Variants in NFATC2 observed in about 807,000 individuals in gnomAD.
NFATC2 encodes the protein nuclear factor of activated T-cells, cytoplasmic 2.
Under a neutral mutation model 87.3 loss-of-function variants are expected in NFATC2, and 22 were observed. That is an observed-to-expected ratio of 0.25 (90% CI 0.18 to 0.36). The LOEUF (loss-of-function observed/expected upper bound fraction) is 0.36, where lower values mean the gene tolerates loss of function less well. NFATC2 is among the 10% of genes least tolerant of loss of function. The pLI, the probability that NFATC2 is intolerant of heterozygous loss-of-function variation, is 1.00. For synonymous variants in NFATC2, 565 were observed against 542.2 expected, an observed-to-expected ratio of 1.04 and a Z score of -0.58; for missense variants, 1,149 against 1,259.1, an observed-to-expected ratio of 0.91 and a Z score of 1.32.
intron 3 of NFATC2, among the ~76,000 whole-genome samples, chr20:51,507,119 G>C (rs1216435138): frequency 1.3e-5 from 2 of 152,252 alleles, no homozygotes; most frequent in Non-Finnish European, 1.5e-5. Context: ...GCTGCCAGCA[G>C]GTGGATGAAT....
intron 9 of NFATC2, among the ~76,000 whole-genome samples, chr20:51,405,350 C>T (rs1045976849): frequency 6.6e-6 from 1 of 152,192 alleles, no homozygotes; most frequent in Non-Finnish European, 1.5e-5. Flanking sequence ...GGAGACACCA[C>T]TCAGGAAGAT....
intron 4 of NFATC2, among the ~76,000 whole-genome samples, chr20:51,474,608 G>GGA (rs1350722025): frequency 5.3e-5 from 8 of 152,192 alleles, no homozygotes; most frequent in Non-Finnish European, 1.0e-4. Context: ...AGGAAAAAAC[G>GGA]GAGAGGTGGG....
chr20:51,518,408 G>A (rs543094764), intron 2 of NFATC2, among the ~76,000 whole-genome samples: 1 of 152,246 alleles, frequency 6.6e-6, no homozygotes, highest in Admixed American at 6.5e-5. Flanking sequence ...AGCCCAGGGG[G>A]TAGCACCTCC....
chr20:51,547,527 C>T (rs2076899073), upstream of NFATC2, among the ~76,000 whole-genome samples: 2 of 152,166 alleles, frequency 1.3e-5, no homozygotes, highest in South Asian at 2.1e-4. Context: ...TTCCTTTCCA[C>T]CTTCTGGTAG....
rs75858005 is a variant in NFATC2 at position 51,401,613 on chromosome 20, T to C, written c.2723-2883A>G. Among the ~76,000 whole-genome samples the C allele has an allele frequency of 1.1e-3, 173 of 152,104 alleles. 1 individual carries two copies. Among genetic ancestry groups the C allele is most frequent in the African/African-American group, 4.0e-3 (167 of 41,410 alleles). On this transcript the variant is annotated intron_variant, in intron 9 of 10. Coordinates refer to ENST00000371564, the MANE Select transcript of NFATC2 (RefSeq NM_012340.5). ...TTAGACTTACTACATGGTCCCTAAG[T>C]GTCATCTACAAATCCTCCCAAAGAC...
rs1555803765 is a variant in NFATC2 at position 51,480,289 on chromosome 20, A to AAAAAAAAAAAT, written c.1333-4630_1333-4629insATTTTTTTTTT. On this transcript the variant is annotated intron_variant, in intron 3 of 10. Coordinates refer to ENST00000371564, the MANE Select transcript of NFATC2 (RefSeq NM_012340.5). This position sits in a 1 kb window ranked among gnomAD's most constrained non-coding sequence, Gnocchi z 4.2. ...GGTCACAAAGCAAGACTCTGTCTCA[A>AAAAAAAAAAAT]AAAAAATAGAATGTGCTTCCTGCCG... 6.6e-6 allele frequency among the ~76,000 whole-genome samples: 1 copy of AAAAAAAAAAAT among 151,578 alleles called. No homozygotes were observed. Among genetic ancestry groups the AAAAAAAAAAAT allele is most frequent in the Non-Finnish European group, 1.5e-5 (1 of 67,930 alleles).
At chr20:51,498,528 T>C (rs2076027064) in intron 3 of NFATC2, among the ~76,000 whole-genome samples, 1 of 152,158 alleles carries the variant, frequency 6.6e-6, no homozygotes. Flanking sequence ...CCAGGCATGG[T>C]GGCTCACGCC....
At position 51,495,377 on chromosome 20, in the gene NFATC2, C is replaced by G. The variant is rs748363298; in HGVS notation, c.1333-19717G>C. ...TGCTGGGATTATAGACATGAGCCAG[C>G]ACACATGGCTGGAAAGCCTCCTTTC... On this transcript the variant is annotated intron_variant, in intron 3 of 10. Coordinates refer to ENST00000371564, the MANE Select transcript of NFATC2 (RefSeq NM_012340.5). Among the ~76,000 whole-genome samples the G allele has an allele frequency of 6.6e-4, 100 of 152,238 alleles. 1 individual carries two copies. Among genetic ancestry groups the G allele is most frequent in the Non-Finnish European group, 2.6e-4 (18 of 68,048 alleles).
At chr20:51,505,791 A>G (rs891858546) in intron 3 of NFATC2, among the ~76,000 whole-genome samples, 2 of 152,180 alleles carry the variant, frequency 1.3e-5, no homozygotes, top group Non-Finnish European at 2.9e-5. Flanking sequence ...CACAGAACAC[A>G]TAAGAAATGG....
At chr20:51,554,801 A>G (rs17801923) in intron 1 of NFATC2, among the ~76,000 whole-genome samples, 13,976 of 152,262 alleles carry the variant, frequency 0.092, 783 homozygotes, top group Non-Finnish European at 0.13. Context: ...TGGATTTGCC[A>G]AGGGACATTT....
chr20:51,421,089 CAAAA>C, intron 9 of NFATC2, among the ~76,000 whole-genome samples: 1 of 139,332 alleles, frequency 7.2e-6, no homozygotes, highest in East Asian at 2.1e-4. Flanking sequence ...AAAAAAAAAA[CAAAA>C]AAAACTAATA....
At chr20:51,408,965 C>T (rs1268915848) in intron 9 of NFATC2, among the ~76,000 whole-genome samples, 1 of 152,082 alleles carries the variant, frequency 6.6e-6, no homozygotes, top group African/African-American at 2.4e-5. Flanking sequence ...TAAACTACAC[C>T]CAGAAAACTC....
intron 2 of NFATC2, among the ~76,000 whole-genome samples, chr20:51,519,439 C>A (rs2076405616): frequency 6.7e-6 from 1 of 148,822 alleles, no homozygotes; most frequent in Non-Finnish European, 1.5e-5. Context: ...ATGGTGAAAC[C>A]CTGCCTCTAC....
chr20:51,438,215 C>T (rs183575625), intron 6 of NFATC2, among the ~76,000 whole-genome samples: 90 of 152,210 alleles, frequency 5.9e-4, no homozygotes, highest in African/African-American at 1.9e-3. Context: ...CCACCAGGAG[C>T]GTGACTGTAC....
At chr20:51,409,461 G>T (rs1460328539) in intron 9 of NFATC2, among the ~76,000 whole-genome samples, 1 of 152,200 alleles carries the variant, frequency 6.6e-6, no homozygotes, top group Non-Finnish European at 1.5e-5. Context: ...AAATGAAAAG[G>T]AAGTGGCAAA....
intron 6 of NFATC2, among the ~76,000 whole-genome samples, chr20:51,442,085 G>T (rs1319678730): frequency 1.3e-5 from 2 of 152,204 alleles, no homozygotes; most frequent in South Asian, 4.2e-4. Context: ...GCACTGGGCA[G>T]CCCTTAGGTA....
At chr20:51,490,837 A>G (rs781087448) in intron 3 of NFATC2, among the ~76,000 whole-genome samples, 1 of 152,254 alleles carries the variant, frequency 6.6e-6, no homozygotes, top group Non-Finnish European at 1.5e-5. Context: ...ACACAACATT[A>G]ATCAACATGC....
At chr20:51,393,790 TAATG>T (rs1312056686) in intron 10 of NFATC2, among the ~76,000 whole-genome samples, 24 of 152,164 alleles carry the variant, frequency 1.6e-4, no homozygotes, top group Admixed American at 2.0e-4. Context: ...AGGGGATCCT[TAATG>T]AAAACTTTCC....
At chr20:51,552,512 C>T (rs192496258) in intron 1 of NFATC2, among the ~76,000 whole-genome samples, 21 of 152,168 alleles carry the variant, frequency 1.4e-4, no homozygotes, top group Middle Eastern at 3.4e-3. Context: ...TTTTAAAGCC[C>T]GAAGAGGACT....
Sources: gnomAD v4.1 joint callset for allele counts (sites outside exome capture counted in the v4.1 genomes callset) on GRCh38, gnomAD v4.1.1 for gene constraint, Gnocchi (gnomAD v3.1) non-coding constraint, MANE v1.5 for transcripts, NCBI Gene and HGNC (gene_info 2026-07-23, HGNC 2026-07-21) for gene names.